Variants in ARNT2 observed in about 807,000 individuals in gnomAD.
ARNT2 encodes the protein ARNT protein 2.
A neutral mutation model predicts 91.7 loss-of-function variants in ARNT2; 36 were observed. That is an observed-to-expected ratio of 0.39 (90% CI 0.30 to 0.52). The LOEUF (loss-of-function observed/expected upper bound fraction) is 0.52. ARNT2 is among the 20% of genes least tolerant of loss of function. The probability of loss-of-function intolerance (pLI) is 0.72; values close to 1 mark genes in which losing one functional copy is unlikely to be tolerated. For synonymous variants in ARNT2, 365 were observed against 347.1 expected (o/e 1.05, Z -0.57); for missense variants, 775 against 939.3 (o/e 0.83, Z 2.29).
At chr15:80,504,782 A>C (rs1307718955) in intron 5 of ARNT2, among the ~76,000 whole-genome samples, 3 of 119,780 alleles carry the variant, frequency 2.5e-5, no homozygotes, top group Non-Finnish European at 5.2e-5. Context: ...AAAAAAAAAA[A>C]AATGGAAATC....
At chr15:80,503,560 T>C (rs1897229307) in intron 5 of ARNT2, among the ~76,000 whole-genome samples, 1 of 152,192 alleles carries the variant, frequency 6.6e-6, no homozygotes, top group Non-Finnish European at 1.5e-5. Flanking sequence ...AGAGCACACT[T>C]TGGAATCTGC....
At chr15:80,481,808 A>G (rs1196963839) in intron 5 of ARNT2, among the ~76,000 whole-genome samples, 2 of 152,246 alleles carry the variant, frequency 1.3e-5, no homozygotes, top group African/African-American at 4.8e-5. Context: ...TACATTGCCT[A>G]GGTTGTTCTC....
At chr15:80,508,287 A>T (rs1226129035) in intron 6 of ARNT2, 29 bp downstream of exon 6, 2 of 1,610,262 alleles carry the variant, frequency 1.2e-6, no homozygotes, top group South Asian at 2.2e-5. Context: ...GCAGGCCATC[A>T]GGTGGTTGGT....
intron 5 of ARNT2, among the ~76,000 whole-genome samples, chr15:80,501,424 C>G (rs1197929937): frequency 6.6e-6 from 1 of 152,198 alleles, no homozygotes; most frequent in Admixed American, 6.5e-5. Flanking sequence ...TAAATGTGAA[C>G]AGTATTCTTC....
chr15:80,567,582 TAA>T (rs1898509241), intron 12 of ARNT2, among the ~76,000 whole-genome samples: 1 of 152,114 alleles, frequency 6.6e-6, no homozygotes, highest in South Asian at 2.1e-4. Flanking sequence ...GCAAGAAAAG[TAA>T]AGATCCCCCT....
intron 17 of ARNT2, among the ~76,000 whole-genome samples, chr15:80,586,681 C>A (rs547620997): frequency 6.6e-6 from 1 of 152,064 alleles, no homozygotes; most frequent in East Asian, 1.9e-4. Flanking sequence ...GCCTGGCCAA[C>A]ATGGTGAAAC....
At chr15:80,514,501 G>C (rs1897399408) in intron 8 of ARNT2, 96 bp downstream of exon 8, 2 of 1,038,772 alleles carry the variant, frequency 1.9e-6, no homozygotes, top group Non-Finnish European at 1.5e-6. Flanking sequence ...GGAATAGGTA[G>C]GAAAATATTC....
At chr15:80,483,338 G>A (rs1266249355) in intron 5 of ARNT2, among the ~76,000 whole-genome samples, 4 of 152,206 alleles carry the variant, frequency 2.6e-5, no homozygotes, top group African/African-American at 4.8e-5. Context: ...AACCTGGGTC[G>A]AGGGCATCCT....
chr15:80,580,568 G>A lies in ARNT2; in HGVS notation c.1752+19G>A, dbSNP rs767751267. 1.2e-6 allele frequency: 2 copies of A among 1,613,412 alleles called. No individual in the cohort carries two copies. The highest frequency in any genetic ancestry group is 2.2e-5 in the South Asian group (2 of 91,038). On this transcript the variant is annotated intron_variant, in intron 16 of 18. Coordinates refer to ENST00000303329, the MANE Select transcript of ARNT2 (RefSeq NM_014862.4). ...GGGACAGGTATGGGCATCTGTGAGG[G>A]CATCTCCCCTGGGTGACCAGAGAGG...
At chr15:80,525,804 T>G (rs1198198077) in intron 8 of ARNT2, among the ~76,000 whole-genome samples, 1 of 152,210 alleles carries the variant, frequency 6.6e-6, no homozygotes, top group Non-Finnish European at 1.5e-5. Context: ...ACTCCCTCAA[T>G]GATCGGATGA....
At chr15:80,548,702 G>A (rs1898030408) in intron 8 of ARNT2, among the ~76,000 whole-genome samples, 1 of 152,000 alleles carries the variant, frequency 6.6e-6, no homozygotes, top group Non-Finnish European at 1.5e-5. Context: ...AGTACACAAA[G>A]TACAAGTATA....
At chr15:80,443,454 A>G (rs554652580) in intron 1 of ARNT2, among the ~76,000 whole-genome samples, 1 of 152,188 alleles carries the variant, frequency 6.6e-6, no homozygotes, top group African/African-American at 2.4e-5. Flanking sequence ...CAGGAAGGTC[A>G]GGGGCGTCCT....
chr15:80,556,321 T>G (rs1378231922), intron 11 of ARNT2: 1 of 152,068 alleles, frequency 6.6e-6, no homozygotes, highest in East Asian at 1.9e-4. Context: ...CAAATAAAGG[T>G]AAGCGAGGAT....
intron 1 of ARNT2, among the ~76,000 whole-genome samples, chr15:80,408,608 A>G (rs1243309153): frequency 6.6e-6 from 1 of 152,144 alleles, no homozygotes; most frequent in African/African-American, 2.4e-5. Flanking sequence ...AGCCTTTGAG[A>G]CGTGTGCGCT....
At chr15:80,546,698 C>A (rs548421554) in intron 8 of ARNT2, among the ~76,000 whole-genome samples, 2 of 152,224 alleles carry the variant, frequency 1.3e-5, no homozygotes, top group African/African-American at 4.8e-5. Flanking sequence ...GGCGCGGTGG[C>A]TCATGCCTAT....
intron 11 of ARNT2, 127 bp from the exon 12 acceptor site, chr15:80,562,961 A>C: frequency 9.9e-7 from 1 of 1,009,306 alleles, no homozygotes; most frequent in Non-Finnish European, 1.5e-6. Flanking sequence ...ACTGTCTTTT[A>C]GCCACAATGC....
chr15:80,573,393 G>T (rs1898617140), intron 12 of ARNT2, among the ~76,000 whole-genome samples: 1 of 152,088 alleles, frequency 6.6e-6, no homozygotes. Context: ...TTGCTGGGCT[G>T]GGAGTAATGT....
chr15:80,527,298 AGGTCAAG>A (rs1393006152), intron 8 of ARNT2, among the ~76,000 whole-genome samples: 1 of 152,232 alleles, frequency 6.6e-6, no homozygotes, highest in Non-Finnish European at 1.5e-5. Context: ...GCAAAGCCAC[AGGTCAAG>A]GGTCATAACC....
rs374048459 is a variant in ARNT2, at chr15:80,434,747, C to T, written c.32-16133C>T. Among the ~76,000 whole-genome samples the T allele has an allele frequency of 9.2e-5, 14 of 151,518 alleles. No homozygotes were observed. In the South Asian group the frequency reaches 1.5e-3, roughly 16 times the overall value. On this transcript the variant is annotated intron_variant, in intron 1 of 18. Transcript: ENST00000303329. ...TGGGGAGCAGAGGAGAGGCAGGGAA[C>T]GGGGAGTGGAAGAGAGAAGGAAAAG...
Sources: allele counts gnomAD v4.1 joint callset (sites outside exome capture counted in the v4.1 genomes callset), GRCh38; gene constraint gnomAD v4.1.1; transcripts MANE v1.5; gene names NCBI Gene and HGNC (gene_info 2026-07-23, HGNC 2026-07-21).